ZNF618: variants seen among roughly 807,000 people sequenced by gnomAD.
The protein encoded by ZNF618 is neural precursor cell expressed, developmentally down-regulated 10.
ZNF618 carries 34 observed loss-of-function variants against 103.0 expected under a neutral mutation model. The observed-to-expected ratio is 0.33, with a 90% confidence interval of 0.25 to 0.44. The LOEUF (loss-of-function observed/expected upper bound fraction) is 0.44, where lower values mean the gene tolerates loss of function less well. Ranked by LOEUF, ZNF618 falls within the 20% of genes least tolerant of loss-of-function variation. The probability of loss-of-function intolerance (pLI) is 1.00; values close to 1 mark genes in which losing one functional copy is unlikely to be tolerated. For synonymous variants in ZNF618, 551 were observed against 542.2 expected (o/e 1.02, Z -0.23); for missense variants, 1,059 against 1,295.4 (o/e 0.82, Z 2.80).
At chr9:114,028,696 G>A in intron 10 of ZNF618, 37 bp from the exon 11 acceptor site, 1 of 1,532,596 alleles carries the variant, frequency 6.5e-7, no homozygotes. Flanking sequence ...CTGCCGGCTG[G>A]GAGGGCCCTC....
intron 1 of ZNF618, among the ~76,000 whole-genome samples, chr9:113,920,594 G>C (rs1293489790): frequency 6.6e-6 from 1 of 152,016 alleles, no homozygotes; most frequent in East Asian, 1.9e-4. Context: ...TAGAGACAGG[G>C]TTTCACCATG....
intron 9 of ZNF618, among the ~76,000 whole-genome samples, chr9:114,010,577 G>T (rs1190319812): frequency 6.6e-6 from 1 of 151,442 alleles, no homozygotes; most frequent in Non-Finnish European, 1.5e-5. Flanking sequence ...GGTGGCATGT[G>T]CCTGTAGTCC....
chr9:113,909,031 T>C (rs929674194), intron 1 of ZNF618, among the ~76,000 whole-genome samples: 5 of 151,860 alleles, frequency 3.3e-5, no homozygotes, highest in African/African-American at 1.2e-4. Context: ...AATCCCTTAG[T>C]GGCCAAGTCA....
intron 2 of ZNF618, among the ~76,000 whole-genome samples, chr9:113,973,200 T>C (rs1175550337): frequency 2.0e-5 from 3 of 152,288 alleles, no homozygotes; most frequent in East Asian, 3.9e-4. Context: ...ATTTAATCCT[T>C]CTTCAGATGG....
At chr9:113,944,402 G>A (rs1015076323) in intron 1 of ZNF618, among the ~76,000 whole-genome samples, 17 of 152,108 alleles carry the variant, frequency 1.1e-4, no homozygotes, top group Non-Finnish European at 2.2e-4. Flanking sequence ...TCAGCCTCCC[G>A]AGTAGCTGGG....
chr9:113,910,529 G>A (rs1011843911), intron 1 of ZNF618, among the ~76,000 whole-genome samples: 1 of 152,168 alleles, frequency 6.6e-6, no homozygotes, highest in African/African-American at 2.4e-5. Flanking sequence ...CGCGGCTGCT[G>A]TGAAGGACGT....
intron 2 of ZNF618, among the ~76,000 whole-genome samples, chr9:113,979,944 G>A (rs1022973303): frequency 4.6e-5 from 7 of 152,296 alleles, no homozygotes; most frequent in African/African-American, 1.7e-4. Context: ...TAGGGGAAAG[G>A]GAGATTGGCT....
intron 2 of ZNF618, among the ~76,000 whole-genome samples, chr9:113,977,726 C>T (rs1193152996): frequency 6.6e-6 from 1 of 152,190 alleles, no homozygotes; most frequent in East Asian, 1.9e-4. Flanking sequence ...ACTGCTTCTC[C>T]TTAACGTCCT....
At chr9:113,904,227 T>C (rs542803645) in intron 1 of ZNF618, among the ~76,000 whole-genome samples, 3 of 152,172 alleles carry the variant, frequency 2.0e-5, no homozygotes, top group Admixed American at 6.5e-5. Context: ...AGTGTATTTT[T>C]TTAATCCCAG....
At chr9:113,976,876 T>C (rs1838520123) in intron 2 of ZNF618, among the ~76,000 whole-genome samples, 1 of 152,190 alleles carries the variant, frequency 6.6e-6, no homozygotes. Flanking sequence ...TATATGGCAC[T>C]TTACATCCAT....
chr9:113,974,235 A>G (rs918331499), intron 2 of ZNF618, among the ~76,000 whole-genome samples: 6 of 152,234 alleles, frequency 3.9e-5, no homozygotes, highest in Admixed American at 6.5e-5. Flanking sequence ...CATTCAGGGA[A>G]GGTGAGTCAT....
In ZNF618 at chr9:113,934,862, C is replaced by A. The variant is rs978376968; in HGVS notation, c.34-34255C>A. Among the ~76,000 whole-genome samples the A allele has an allele frequency of 3.9e-5, 6 of 152,180 alleles. No individual in the cohort carries two copies. In the East Asian group the frequency reaches 1.2e-3, roughly 29 times the overall value. On this transcript the variant is annotated intron_variant, in intron 1 of 14. Coordinates refer to ENST00000374126, the MANE Select transcript of ZNF618 (RefSeq NM_001318042.2). ...GCCCGAGCATGGAGAGGCTGGGGAC[C>A]GCCAGAGTATCCTATTTGTACAGCC...
intron 1 of ZNF618, among the ~76,000 whole-genome samples, chr9:113,916,911 A>T (rs1390192328): frequency 6.6e-6 from 1 of 152,196 alleles, no homozygotes; most frequent in Non-Finnish European, 1.5e-5. Flanking sequence ...GTGAAATTTA[A>T]ACTTTATTTA....
At position 113,988,713 on chromosome 9, in the gene ZNF618, C is replaced by T. The variant is rs368058078; in HGVS notation, c.337+133C>T. On this transcript the variant is annotated intron_variant, in intron 3 of 14. Transcript: ENST00000374126. ...ACCTTTGCTGGCTTCCCTCTGCATT[C>T]AGGGAGAGATCTCAGCTTCTTAGAC... 61 of 1,327,288 alleles carry T rather than the reference C, an allele frequency of 4.6e-5. No individual in the cohort carries two copies. In the African/African-American group the frequency reaches 7.2e-4, roughly 16 times the overall value. The allele number at this position is 1,327,288 out of a possible 1,614,324, so 82.2% of individuals were successfully genotyped here.
chr9:113,992,804 G>A (rs1840201362), intron 3 of ZNF618, among the ~76,000 whole-genome samples: 1 of 152,214 alleles, frequency 6.6e-6, no homozygotes, highest in African/African-American at 2.4e-5. Context: ...CACACAGATG[G>A]CATTTGGCAG....
In ZNF618 at chr9:113,972,265, TCTCA is replaced by T. The variant is rs1325040970; in HGVS notation, c.77+3106_77+3109del. Among the ~76,000 whole-genome samples, 788 of 152,288 alleles carry T rather than the reference TCTCA, an allele frequency of 5.2e-3. 6 individuals carry two copies. Among genetic ancestry groups the T allele is most frequent in the African/African-American group, 0.018 (767 of 41,552 alleles). On this transcript the variant is annotated intron_variant, in intron 2 of 14. Transcript: ENST00000374126. ...GGTTTCACTGTGTTGCCCAGGCTGG[TCTCA>T]AACTCCTGAGTTCTAGTGATGCACC...
chr9:114,048,861 C>T lies in ZNF618; in HGVS notation c.1559C>T (p.Thr520Met), dbSNP rs764057068. 44 of 1,607,512 alleles carry T rather than the reference C, an allele frequency of 2.7e-5. No individual in the cohort carries two copies. Among genetic ancestry groups the T allele is most frequent in the Non-Finnish European group, 3.7e-5 (43 of 1,176,860 alleles). ...SVTEILGNFN[T>M]LALKHLPRMY... ...ACTGAAATCCTGGGCAACTTCAACA[C>T]GCTGGCGCTGAAGCACCTGCCACGC... The change falls in exon 15 of 15, where the codon ACG (threonine) becomes ATG (methionine). Residue 520 changes from threonine to methionine, a missense_variant. Transcript: ENST00000374126.
chr9:114,017,788 G>A (rs1433175815), intron 10 of ZNF618, among the ~76,000 whole-genome samples: 1 of 152,166 alleles, frequency 6.6e-6, no homozygotes, highest in African/African-American at 2.4e-5. Flanking sequence ...GGAAGGCCCA[G>A]GTCCCTCCTA....
chr9:113,995,793 G>A (rs1840532022), intron 3 of ZNF618, among the ~76,000 whole-genome samples: 3 of 152,254 alleles, frequency 2.0e-5, no homozygotes, highest in South Asian at 4.2e-4. Context: ...TTCTGAGCCC[G>A]ACACCAGTAT....
Sources: allele counts gnomAD v4.1 joint callset (sites outside exome capture counted in the v4.1 genomes callset), GRCh38; gene constraint gnomAD v4.1.1; transcripts MANE v1.5; gene names NCBI Gene and HGNC (gene_info 2026-07-23, HGNC 2026-07-21).